Variants in WDR7 observed in about 807,000 individuals in gnomAD.
WDR7 encodes WD repeat domain 7.
A neutral mutation model predicts 169.4 loss-of-function variants in WDR7; 46 were observed. The observed-to-expected ratio is 0.27, with a 90% CI of 0.21 to 0.35. The LOEUF (loss-of-function observed/expected upper bound fraction) is 0.35, where lower values mean the gene tolerates loss of function less well. Among genes scored for constraint, WDR7 ranks in the 10% least tolerant of loss-of-function variants. WDR7 has a pLI of 1.00. For missense variants in WDR7, 1,534 were observed against 1,859.3 expected, an observed-to-expected ratio of 0.83 and a Z score of 3.22; for synonymous variants, 612 against 666.8, an observed-to-expected ratio of 0.92 and a Z score of 1.27.
chr18:56,950,403 T>G (rs2047165165), intron 25 of WDR7, among the ~76,000 whole-genome samples: 1 of 152,162 alleles, frequency 6.6e-6, no homozygotes, highest in African/African-American at 2.4e-5. Flanking sequence ...TTACCCACCA[T>G]TGCTTTTGCA....
Position 57,027,061 on chromosome 18 carries a change from T to C in WDR7, c.4327T>C (p.Cys1443Arg). 6.2e-7 allele frequency: 1 copy of C among 1,614,180 alleles called. No individual in the cohort carries two copies. Residue 1443 changes from cysteine to arginine, a missense_variant, in exon 28 of 28, where the codon TGC (cysteine) becomes CGC (arginine). Transcript: ENST00000254442. ...GMLNSAPQLRCIKTYQVPPVQ... is the reference protein window; with the variant it reads ...GMLNSAPQLRRIKTYQVPPVQ... ...GCTGAACTCGGCACCTCAGCTGCGCTGCATTAAAACCTACCAGGTGCCCCC... is the reference window on the plus strand; with the variant it reads ...GCTGAACTCGGCACCTCAGCTGCGCCGCATTAAAACCTACCAGGTGCCCCC...
At chr18:56,956,733 C>G (rs935511710) in intron 25 of WDR7, among the ~76,000 whole-genome samples, 1 of 152,088 alleles carries the variant, frequency 6.6e-6, no homozygotes, top group African/African-American at 2.4e-5. Context: ...CTTTCCCATC[C>G]AGTATGCATG....
intron 21 of WDR7, among the ~76,000 whole-genome samples, chr18:56,897,203 T>G (rs1331909276): frequency 6.6e-6 from 1 of 151,980 alleles, no homozygotes; most frequent in Non-Finnish European, 1.5e-5. Context: ...ATACTTATTA[T>G]AAGAATGTAA....
rs376838584 is a variant in WDR7 at position 57,016,388 on chromosome 18, A to C, written c.4165-4357A>C. Among the ~76,000 whole-genome samples, 9 of 152,330 alleles carry C rather than the reference A, an allele frequency of 5.9e-5. No homozygotes were observed. The South Asian group carries it at 1.7e-3, about 28-fold the overall frequency. ...ACCTACTTTTGGAAATCTCGTTTTC[A>C]TAATTTATGTTAAGAAAATGGTTTA... On this transcript the variant is annotated intron_variant, in intron 26 of 27. Transcript: ENST00000254442.
chr18:56,670,718 C>T (rs1017833232), intron 1 of WDR7, among the ~76,000 whole-genome samples: 2 of 152,102 alleles, frequency 1.3e-5, no homozygotes, highest in Admixed American at 1.3e-4. Context: ...ACCATGTTGG[C>T]CAGGCTGGTC....
chr18:56,716,097 A>G (rs1018582444), intron 12 of WDR7, among the ~76,000 whole-genome samples: 1 of 151,744 alleles, frequency 6.6e-6, no homozygotes, highest in Non-Finnish European at 1.5e-5. Flanking sequence ...ACATACCCAA[A>G]TTTAACTATT....
At chr18:56,986,176 G>GTA (rs959719639) in intron 26 of WDR7, among the ~76,000 whole-genome samples, 3 of 117,806 alleles carry the variant, frequency 2.5e-5, no homozygotes, top group African/African-American at 8.9e-5. Context: ...GTGTGTGTGT[G>GTA]TGTATACATA....
At chr18:56,905,447 T>C (rs982128162) in intron 21 of WDR7, among the ~76,000 whole-genome samples, 3 of 152,084 alleles carry the variant, frequency 2.0e-5, no homozygotes, top group Non-Finnish European at 2.9e-5. Context: ...CTGTGCCTGG[T>C]GTGATTATAG....
At chr18:56,844,598 G>A (rs2045540215) in intron 20 of WDR7, among the ~76,000 whole-genome samples, 1 of 152,164 alleles carries the variant, frequency 6.6e-6, no homozygotes, top group African/African-American at 2.4e-5. Context: ...AATTTTAAAT[G>A]CTTATGGTAA....
At chr18:56,843,857 C>CTTTTTTTTTTTTTTTTTT (rs776575088) in intron 20 of WDR7, among the ~76,000 whole-genome samples, 3 of 134,330 alleles carry the variant, frequency 2.2e-5, no homozygotes, top group Non-Finnish European at 4.7e-5. Context: ...TTTTTTCTTT[C>CTTTTTTTTTTTTTTTTTT]TTTTTTTTTT....
rs1402315671 is a variant in WDR7 at position 56,696,137 on chromosome 18, T to C, written c.1358-105T>C. The C allele has an allele frequency of 1.3e-5, 12 of 950,008 alleles. No individual in the cohort carries two copies. In the East Asian group the frequency reaches 3.2e-4, roughly 25 times the overall value. The allele number at this position is 950,008 out of a possible 1,614,324, so 58.8% of individuals were successfully genotyped here. On this transcript the variant is annotated intron_variant, in intron 11 of 27. Coordinates refer to ENST00000254442, the MANE Select transcript of WDR7 (RefSeq NM_015285.3). ...AGAAGATAAAATTGGAAGCCTTTGC[T>C]GTGATATAATTTGTAGCTATTCTAA...
rs1424375588 is a variant in WDR7 at position 56,663,872 on chromosome 18, AAAC to A, written c.-19-8614_-19-8612del. 5.3e-5 allele frequency among the ~76,000 whole-genome samples: 8 copies of A among 152,158 alleles called. No homozygotes were observed. In the South Asian group the frequency reaches 1.0e-3, roughly 20 times the overall value. On this transcript the variant is annotated intron_variant, in intron 1 of 27. Coordinates refer to ENST00000254442, the MANE Select transcript of WDR7 (RefSeq NM_015285.3). ...TTTAAAGTCATATCAAATTAAAAAA[AAAC>A]AACAACAACATGAGGTAACAGGGTT...
At chr18:56,902,565 G>C (rs925991170) in intron 21 of WDR7, among the ~76,000 whole-genome samples, 3 of 152,098 alleles carry the variant, frequency 2.0e-5, no homozygotes, top group African/African-American at 7.2e-5. Context: ...CAGGTGTAGT[G>C]GTATTAAGGA....
intron 26 of WDR7, among the ~76,000 whole-genome samples, chr18:56,994,391 A>T (rs575081587): frequency 6.6e-6 from 1 of 152,294 alleles, no homozygotes; most frequent in East Asian, 1.9e-4. Flanking sequence ...TGTTGAAGTA[A>T]GTGAAAATCC....
At chr18:56,924,823 T>A (rs368910504) in intron 22 of WDR7, among the ~76,000 whole-genome samples, 41 of 152,330 alleles carry the variant, frequency 2.7e-4, no homozygotes, top group East Asian at 1.2e-3. Flanking sequence ...CATCTTAAAG[T>A]CTATAATTCA....
intron 14 of WDR7, among the ~76,000 whole-genome samples, chr18:56,751,291 G>A (rs917129252): frequency 3.3e-5 from 5 of 152,164 alleles, no homozygotes; most frequent in Admixed American, 1.3e-4. Flanking sequence ...CCGAAAGCGG[G>A]CATGTGGGGT....
At chr18:56,724,010 T>G (rs923657288) in intron 13 of WDR7, among the ~76,000 whole-genome samples, 14 of 151,978 alleles carry the variant, frequency 9.2e-5, no homozygotes, top group African/African-American at 3.4e-4. Context: ...TAGTTTACAT[T>G]TCTCAAAGCT....
chr18:56,861,250 C>T (rs1432614677), intron 20 of WDR7, among the ~76,000 whole-genome samples: 3 of 152,212 alleles, frequency 2.0e-5, no homozygotes, highest in Non-Finnish European at 2.9e-5. Context: ...TTCATGCCGG[C>T]GTGTGAGCCG....
At chr18:56,699,208 C>T (rs947590127) in intron 12 of WDR7, among the ~76,000 whole-genome samples, 2 of 152,118 alleles carry the variant, frequency 1.3e-5, no homozygotes, top group African/African-American at 4.8e-5. Flanking sequence ...GTTTTATGCA[C>T]ATCAGCAAGT....
Sources: gnomAD v4.1 joint callset for allele counts (sites outside exome capture counted in the v4.1 genomes callset) on GRCh38, gnomAD v4.1.1 for gene constraint, MANE v1.5 for transcripts, NCBI Gene and HGNC (gene_info 2026-07-23, HGNC 2026-07-21) for gene names.